GLYATL2: variants seen among roughly 807,000 people sequenced by gnomAD.
GLYATL2 encodes the protein glycine N-acyltransferase-like protein 2.
GLYATL2 carries 25 observed loss-of-function variants against 21.4 expected under a neutral mutation model. The ratio of observed to expected loss-of-function variants is 1.17; its 90% CI spans 0.85 to 1.63. The LOEUF (loss-of-function observed/expected upper bound fraction) is 1.63. GLYATL2 is among the 40% of genes most tolerant of loss of function. GLYATL2 has a pLI of 0.00. For synonymous variants in GLYATL2, 114 were observed against 118.2 expected (o/e 0.96, Z 0.23); for missense variants, 361 against 343.3 (o/e 1.05, Z -0.41).
chr11:58,842,495 T>TCC (rs1417083403), intron 1 of GLYATL2, among the ~76,000 whole-genome samples: 1 of 151,204 alleles, frequency 6.6e-6, no homozygotes, highest in Non-Finnish European at 1.5e-5. Context: ...TGTGTGTGTG[T>TCC]GTGTGTGTGT....
chr11:58,851,755 T>G (rs1021747951), intron 1 of GLYATL2, among the ~76,000 whole-genome samples: 14 of 152,288 alleles, frequency 9.2e-5, no homozygotes, highest in African/African-American at 3.4e-4. Context: ...AAAAGATTCA[T>G]AAGTAATGTT....
intron 1 of GLYATL2, chr11:58,885,648 G>A (rs1854424094): frequency 3.5e-6 from 1 of 287,050 alleles, no homozygotes; most frequent in East Asian, 8.1e-5. Flanking sequence ...GGAAACGTGA[G>A]TATTTTAAAA....
intron 1 of GLYATL2, among the ~76,000 whole-genome samples, chr11:58,878,593 G>A (rs1854279836): frequency 6.6e-6 from 1 of 152,192 alleles, no homozygotes; most frequent in African/African-American, 2.4e-5. Flanking sequence ...GTAATAAGCA[G>A]TAATGTTGCA....
chr11:58,867,976 C>T (rs1446113837), intron 1 of GLYATL2, among the ~76,000 whole-genome samples: 1 of 148,758 alleles, frequency 6.7e-6, no homozygotes, highest in Non-Finnish European at 1.5e-5. Flanking sequence ...TTTAGAGACA[C>T]TCCAGAGCTG....
intron 1 of GLYATL2, among the ~76,000 whole-genome samples, chr11:58,859,520 T>A (rs646973): frequency 6.6e-6 from 1 of 152,004 alleles, no homozygotes; most frequent in Non-Finnish European, 1.5e-5. Flanking sequence ...AATATTAACC[T>A]CTTTTCAGAT....
chr11:58,872,563 C>A (rs1854143917), intron 1 of GLYATL2, among the ~76,000 whole-genome samples: 1 of 152,130 alleles, frequency 6.6e-6, no homozygotes, highest in Non-Finnish European at 1.5e-5. Context: ...ATTGCTTGTT[C>A]TTGTCAGGTT....
rs193132525 is a variant in GLYATL2, at chr11:58,859,610, T to A, written n.61-21242A>T. Among the ~76,000 whole-genome samples the A allele has an allele frequency of 7.2e-5, 11 of 152,338 alleles. No individual in the cohort carries two copies. The East Asian group carries it at 1.9e-3, about 27-fold the overall frequency. Reference sequence around the variant, plus strand: ...ATTGTTTCCTTTGCTGTATAGAAACTATTCTAGTTTGATGTAATCCCATTT... The same window carrying A: ...ATTGTTTCCTTTGCTGTATAGAAACAATTCTAGTTTGATGTAATCCCATTT... On this transcript the variant is annotated intron_variant and non_coding_transcript_variant, in intron 1 of 4. Coordinates refer to the GLYATL2 transcript ENST00000533636.
chr11:58,871,936 C>A (rs1339921850), intron 1 of GLYATL2, among the ~76,000 whole-genome samples: 2 of 152,182 alleles, frequency 1.3e-5, no homozygotes, highest in Admixed American at 1.3e-4. Flanking sequence ...CACATCCTCT[C>A]CAGCACCTGT....
intron 1 of GLYATL2, among the ~76,000 whole-genome samples, chr11:58,865,209 A>G (rs1368394890): frequency 6.7e-6 from 1 of 148,920 alleles, no homozygotes; most frequent in Non-Finnish European, 1.5e-5. Flanking sequence ...TTCTTCATGA[A>G]GTGTGACTTG....
intron 1 of GLYATL2, among the ~76,000 whole-genome samples, chr11:58,897,195 C>T (rs1854650026): frequency 6.6e-6 from 1 of 152,128 alleles, no homozygotes; most frequent in South Asian, 2.1e-4. Context: ...TTCTAGAGTC[C>T]TTGGAATGAA....
chr11:58,877,672 T>G (rs1854261800), intron 1 of GLYATL2, among the ~76,000 whole-genome samples: 1 of 152,182 alleles, frequency 6.6e-6, no homozygotes, highest in Non-Finnish European at 1.5e-5. Context: ...TGAGAAGCAA[T>G]AATTGATCAT....
chr11:58,895,771 C>T (rs1854623678), intron 1 of GLYATL2, among the ~76,000 whole-genome samples: 2 of 34,118 alleles, frequency 5.9e-5, no homozygotes, highest in Non-Finnish European at 4.0e-4. Flanking sequence ...GATAAGCAAG[C>T]CAAAAGCTTG....
intron 1 of GLYATL2, among the ~76,000 whole-genome samples, chr11:58,842,737 C>T (rs1427673415): frequency 2.6e-5 from 4 of 151,996 alleles, no homozygotes; most frequent in Non-Finnish European, 5.9e-5. Flanking sequence ...AATGCTGTGC[C>T]AAAGGACTCA....
At chr11:58,855,989 G>C (rs1853821418) in intron 1 of GLYATL2, among the ~76,000 whole-genome samples, 1 of 152,110 alleles carries the variant, frequency 6.6e-6, no homozygotes, top group Non-Finnish European at 1.5e-5. Flanking sequence ...AAATCAGCCA[G>C]GTGTGTTAGT....
chr11:58,884,583 A>T (rs1161507810), intron 1 of GLYATL2, among the ~76,000 whole-genome samples: 1 of 152,202 alleles, frequency 6.6e-6, no homozygotes, highest in Admixed American at 6.5e-5. Flanking sequence ...ACAGGGAAAA[A>T]GTTATGATGA....
intron 1 of GLYATL2, among the ~76,000 whole-genome samples, chr11:58,895,150 C>T (rs1284715202): frequency 1.3e-5 from 2 of 152,118 alleles, no homozygotes; most frequent in Admixed American, 6.5e-5. Context: ...GCTTCCCTTA[C>T]GTAGCACTTC....
chr11:58,899,158 A>G (rs1321853644), intron 1 of GLYATL2, among the ~76,000 whole-genome samples: 1 of 152,212 alleles, frequency 6.6e-6, no homozygotes, highest in Non-Finnish European at 1.5e-5. Flanking sequence ...TGAGGGCTTC[A>G]GGTTGAGATT....
At chr11:58,893,099 A>G (rs182976947) in intron 1 of GLYATL2, 98 of 402,214 alleles carry the variant, frequency 2.4e-4, no homozygotes, top group Non-Finnish European at 4.0e-4. Flanking sequence ...GGGCTGGTAA[A>G]TGACAACTGG....
intron 1 of GLYATL2, among the ~76,000 whole-genome samples, chr11:58,880,897 T>G (rs1361488098): frequency 2.0e-5 from 3 of 152,232 alleles, no homozygotes; most frequent in Admixed American, 2.0e-4. Flanking sequence ...CCTTGCCTAT[T>G]ACTTAAGACA....
Sources: gnomAD v4.1 joint callset for allele counts (sites outside exome capture counted in the v4.1 genomes callset) on GRCh38, gnomAD v4.1.1 for gene constraint, MANE v1.5 for transcripts, NCBI Gene and HGNC (gene_info 2026-07-23, HGNC 2026-07-21) for gene names.